The following TENM4 variants were observed in gnomAD, a reference collection of about 807,000 sequenced individuals.
TENM4 encodes the protein teneurin-4.
Under a neutral mutation model 243.3 loss-of-function variants are expected in TENM4, and 82 were observed. The observed-to-expected ratio is 0.34, with a 90% CI of 0.28 to 0.40. TENM4 has a LOEUF of 0.40. Among genes scored for constraint, TENM4 ranks in the 10% least tolerant of loss-of-function variants. The pLI is 1.00. For missense variants in TENM4, 3,138 were observed against 3,673.3 expected (o/e 0.85, Z 3.77); for synonymous variants, 1,412 against 1,456.3 (o/e 0.97, Z 0.69).
chr11:79,063,549 C>T (rs1274233408), intron 6 of TENM4, among the ~76,000 whole-genome samples: 2 of 152,228 alleles, frequency 1.3e-5, no homozygotes, highest in East Asian at 1.9e-4. Context: ...CCACTCTTTC[C>T]TTTGCTGCCA....
intron 28 of TENM4, among the ~76,000 whole-genome samples, chr11:78,696,906 A>ATT (rs1447558484): frequency 2.0e-5 from 3 of 150,982 alleles, no homozygotes; most frequent in Non-Finnish European, 4.4e-5. Context: ...AGCTGAAAGG[A>ATT]TTTTCCCCAG....
intron 6 of TENM4, among the ~76,000 whole-genome samples, chr11:79,022,689 C>T (rs1858964643): frequency 6.6e-6 from 1 of 151,822 alleles, no homozygotes; most frequent in African/African-American, 2.4e-5. Context: ...CAAATAAGGA[C>T]AAAAATTAAC....
rs1050401441 is a variant in TENM4 at position 78,911,752 on chromosome 11, G to A, written c.494-8229C>T. On this transcript the variant is annotated intron_variant, in intron 6 of 33. Coordinates refer to ENST00000278550, the MANE Select transcript of TENM4 (RefSeq NM_001098816.3). ...CTTCTGCAAAGTTATGACATGCTAA[G>A]AAGGCCCTCACCAGATGTGGCCCCC... Among the ~76,000 whole-genome samples the A allele has an allele frequency of 2.0e-5, 3 of 152,300 alleles. No individual in the cohort carries two copies. In the South Asian group the frequency reaches 6.2e-4, roughly 32 times the overall value.
chr11:79,366,767 G>A (rs1341502824), intron 1 of TENM4, among the ~76,000 whole-genome samples: 2 of 152,104 alleles, frequency 1.3e-5, no homozygotes, highest in African/African-American at 4.8e-5. Context: ...GGCCCAGTAG[G>A]GTAGCCAGAA....
intron 25 of TENM4, among the ~76,000 whole-genome samples, chr11:78,718,753 A>C (rs537334085): frequency 1.3e-5 from 2 of 152,318 alleles, no homozygotes; most frequent in African/African-American, 4.8e-5. Flanking sequence ...CAGTGTCAGG[A>C]AAAAAATGTT....
chr11:78,878,454 G>C (rs923648902), intron 9 of TENM4, among the ~76,000 whole-genome samples: 3 of 152,206 alleles, frequency 2.0e-5, no homozygotes, highest in Non-Finnish European at 4.4e-5. Flanking sequence ...GGCTCAGCAG[G>C]AGAGGCTCAC....
At chr11:78,997,010 C>A (rs1192944348) in intron 6 of TENM4, among the ~76,000 whole-genome samples, 1 of 151,410 alleles carries the variant, frequency 6.6e-6, no homozygotes, top group East Asian at 2.0e-4. Context: ...AAGGGGGGAC[C>A]TTCAAGTAAG....
chr11:78,972,510 G>C (rs1857569215), intron 6 of TENM4, among the ~76,000 whole-genome samples: 1 of 152,124 alleles, frequency 6.6e-6, no homozygotes, highest in South Asian at 2.1e-4. Context: ...ACAGACCTCT[G>C]TTTCACCCGC....
chr11:79,378,999 T>C (rs1857947960), intron 1 of TENM4, among the ~76,000 whole-genome samples: 1 of 151,948 alleles, frequency 6.6e-6, no homozygotes, highest in African/African-American at 2.4e-5. Flanking sequence ...AACACACTGG[T>C]AAGCCCAAGC....
intron 1 of TENM4, among the ~76,000 whole-genome samples, chr11:79,340,448 C>G (rs1857223202): frequency 6.6e-6 from 1 of 152,116 alleles, no homozygotes; most frequent in African/African-American, 2.4e-5. Flanking sequence ...ACACTACAAG[C>G]TGGAAAATGA....
chr11:78,996,076 C>G (rs531506835), intron 6 of TENM4, among the ~76,000 whole-genome samples: 1 of 152,262 alleles, frequency 6.6e-6, no homozygotes, highest in East Asian at 1.9e-4. Context: ...GGAACAGCCT[C>G]AAAAACTAGG....
intron 15 of TENM4, among the ~76,000 whole-genome samples, chr11:78,791,396 C>G (rs1857052626): frequency 6.6e-6 from 1 of 152,208 alleles, no homozygotes; most frequent in African/African-American, 2.4e-5. Flanking sequence ...GCTCATATGT[C>G]TTTTACATAA....
chr11:79,341,377 C>T (rs1040710298), intron 1 of TENM4, among the ~76,000 whole-genome samples: 5 of 152,178 alleles, frequency 3.3e-5, no homozygotes, highest in East Asian at 1.9e-4. Flanking sequence ...GTGCCCTCCA[C>T]GTGCCATGCC....
rs574187590 is a variant in TENM4 at position 79,295,625 on chromosome 11, A to T, written c.-265+1863T>A. The stretch of plus-strand genomic sequence containing the variant: ...GCTGAGGTTGAAGCAAAGAGATCAG[A>T]CAAGCACTGGGGTGGGAGTGGGGGC... On this transcript the variant is annotated intron_variant, in intron 2 of 33. Coordinates refer to ENST00000278550, the MANE Select transcript of TENM4 (RefSeq NM_001098816.3). Among the ~76,000 whole-genome samples the T allele has an allele frequency of 2.0e-5, 3 of 152,252 alleles. No individual in the cohort carries two copies. The South Asian group carries it at 6.2e-4, about 32-fold the overall frequency.
chr11:79,227,223 C>T (rs1418340081), intron 2 of TENM4, among the ~76,000 whole-genome samples: 1 of 152,208 alleles, frequency 6.6e-6, no homozygotes, highest in African/African-American at 2.4e-5. Flanking sequence ...ATTATCCCAG[C>T]TTCTGGGATC....
chr11:79,070,414 T>C (rs1170505113), intron 4 of TENM4, among the ~76,000 whole-genome samples: 1 of 152,160 alleles, frequency 6.6e-6, no homozygotes, highest in Non-Finnish European at 1.5e-5. Flanking sequence ...AGATGAATGA[T>C]TGCATGCAAA....
intron 21 of TENM4, 36 bp from the exon 22 acceptor site, chr11:78,729,679 C>T (rs759105869): frequency 7.7e-6 from 12 of 1,565,732 alleles, no homozygotes; most frequent in African/African-American, 2.7e-5. Flanking sequence ...AAGGGACGGT[C>T]GTCGACTCAC....
intron 4 of TENM4, among the ~76,000 whole-genome samples, chr11:79,076,019 G>A (rs550926085): frequency 6.6e-6 from 1 of 152,286 alleles, no homozygotes; most frequent in South Asian, 2.1e-4. Flanking sequence ...AGTATAAACT[G>A]CAGTTTTATA....
At chr11:78,900,392 C>T (rs1035331292) in intron 7 of TENM4, among the ~76,000 whole-genome samples, 3 of 152,168 alleles carry the variant, frequency 2.0e-5, no homozygotes, top group African/African-American at 7.2e-5. Context: ...ATCACTTGTA[C>T]CCTCAGAACA....
Sources: allele counts gnomAD v4.1 joint callset (sites outside exome capture counted in the v4.1 genomes callset), GRCh38; gene constraint gnomAD v4.1.1; transcripts MANE v1.5; gene names NCBI Gene and HGNC (gene_info 2026-07-23, HGNC 2026-07-21).